The following MATN2 variants were observed in gnomAD, a reference collection of about 807,000 sequenced individuals.
MATN2 encodes the protein matrilin 2.
Under a neutral mutation model 103.2 loss-of-function variants are expected in MATN2, and 69 were observed. The ratio of observed to expected loss-of-function variants is 0.67; its 90% CI spans 0.55 to 0.82. The LOEUF (loss-of-function observed/expected upper bound fraction) is 0.82. Ranked by LOEUF, MATN2 falls within the 40% of genes least tolerant of loss-of-function variation. MATN2 has a pLI of 0.00. For missense variants in MATN2, 1,023 were observed against 1,211.5 expected (o/e 0.84, Z 2.31); for synonymous variants, 429 against 450.2 (o/e 0.95, Z 0.60).
chr8:98,009,817 T>C (rs1307038154), intron 10 of MATN2, among the ~76,000 whole-genome samples: 1 of 152,174 alleles, frequency 6.6e-6, no homozygotes, highest in African/African-American at 2.4e-5. Flanking sequence ...TTCCCTGAGA[T>C]TGACCTTGTG....
At chr8:98,016,024 A>C (rs1733166699) in intron 10 of MATN2, among the ~76,000 whole-genome samples, 1 of 152,206 alleles carries the variant, frequency 6.6e-6, no homozygotes, top group Non-Finnish European at 1.5e-5. Context: ...CAAGTAATTT[A>C]TCTCTCATTC....
At chr8:97,877,280 C>T (rs1054670877) in intron 1 of MATN2, among the ~76,000 whole-genome samples, 1 of 151,780 alleles carries the variant, frequency 6.6e-6, no homozygotes, top group African/African-American at 2.4e-5. Flanking sequence ...GAGTTTGAGA[C>T]CTGCCTGACC....
chr8:98,026,083 G>A (rs1055231252), intron 13 of MATN2, among the ~76,000 whole-genome samples: 13 of 149,876 alleles, frequency 8.7e-5, no homozygotes, highest in African/African-American at 3.2e-4. Flanking sequence ...GGAGGTTGAG[G>A]CAGGAGAATC....
intron 1 of MATN2, 79 bp from the exon 2 acceptor site, chr8:97,887,996 C>A: frequency 7.4e-7 from 1 of 1,354,058 alleles, no homozygotes. Context: ...AAAGGCGGGG[C>A]AGCGGGCCTG....
chr8:97,916,980 A>G (rs939874754), intron 2 of MATN2, among the ~76,000 whole-genome samples: 24 of 151,524 alleles, frequency 1.6e-4, no homozygotes, highest in Admixed American at 1.1e-3. Flanking sequence ...GTTGGTGCAC[A>G]CTTCCTGAGG....
At chr8:97,870,771 A>G (rs1415160100) in intron 1 of MATN2, among the ~76,000 whole-genome samples, 3 of 152,144 alleles carry the variant, frequency 2.0e-5, no homozygotes, top group Non-Finnish European at 4.4e-5. Context: ...GCTTGCTCCC[A>G]AAGGGCCAAC....
intron 17 of MATN2, 128 bp from the exon 18 acceptor site, chr8:98,033,433 G>C (rs1295788976): frequency 3.1e-6 from 2 of 652,828 alleles, no homozygotes; most frequent in East Asian, 5.6e-5. Flanking sequence ...TACTGGATCT[G>C]GCTGCATGGA....
At chr8:97,876,101 T>A (rs1339634687) in intron 1 of MATN2, among the ~76,000 whole-genome samples, 1 of 151,874 alleles carries the variant, frequency 6.6e-6, no homozygotes, top group Admixed American at 6.6e-5. Flanking sequence ...TCACTGCAAC[T>A]TCCTGGCTCT....
intron 6 of MATN2, among the ~76,000 whole-genome samples, chr8:97,980,558 C>CTT (rs71570278): frequency 0.056 from 5,221 of 94,024 alleles, 360 homozygotes; most frequent in African/African-American, 0.079. Context: ...TTATTCTTTC[C>CTT]TTTTTTTTTT....
intron 1 of MATN2, among the ~76,000 whole-genome samples, chr8:97,886,055 A>T (rs1818415822): frequency 6.6e-6 from 1 of 152,094 alleles, no homozygotes; most frequent in African/African-American, 2.4e-5. Context: ...TCTTTTTTTT[A>T]AATTGCTGCT....
At chr8:97,877,386 A>T (rs1449265800) in intron 1 of MATN2, among the ~76,000 whole-genome samples, 3 of 151,860 alleles carry the variant, frequency 2.0e-5, no homozygotes, top group Non-Finnish European at 4.4e-5. Flanking sequence ...CTGAGGCAGG[A>T]GAATTGCTTG....
intron 2 of MATN2, among the ~76,000 whole-genome samples, chr8:97,889,489 A>ATATATAT (rs1408329205): frequency 1.5e-4 from 22 of 143,704 alleles, no homozygotes; most frequent in African/African-American, 4.4e-4. Flanking sequence ...ATATATATAT[A>ATATATAT]AAACTGATGA....
At chr8:98,033,225 C>G in intron 17 of MATN2, 49 bp downstream of exon 17, 1 of 1,511,544 alleles carries the variant, frequency 6.6e-7, no homozygotes, top group Non-Finnish European at 8.9e-7. Context: ...CTCAGCCTTT[C>G]GGCTTGCCAA....
chr8:97,955,829 G>A (rs1238118480), intron 4 of MATN2, among the ~76,000 whole-genome samples: 3 of 152,218 alleles, frequency 2.0e-5, no homozygotes, highest in South Asian at 2.1e-4. Flanking sequence ...TGTTGAGCAA[G>A]GACAAAGTGC....
In MATN2 at chr8:98,036,038, G is replaced by A. The variant is rs1297069928; in HGVS notation, c.*326G>A. The A allele has an allele frequency of 9.5e-6, 2 of 210,464 alleles. No homozygotes were observed. Among genetic ancestry groups the A allele is most frequent in the Non-Finnish European group, 1.9e-5 (2 of 106,856 alleles). The allele number at this position is 210,464 out of a possible 1,614,324, so 13.0% of individuals were successfully genotyped here. ...AGTGTGCAATCTCATTTGACTATAC[G>A]ATAAAGTTTGCACAGTCTTACTTCT... On this transcript the variant is annotated 3_prime_UTR_variant, in exon 19 of 19. Coordinates refer to ENST00000254898, the MANE Select transcript of MATN2 (RefSeq NM_002380.5).
At chr8:98,013,310 TGA>T (rs1316911379) in intron 10 of MATN2, among the ~76,000 whole-genome samples, 1 of 152,192 alleles carries the variant, frequency 6.6e-6, no homozygotes, top group Non-Finnish European at 1.5e-5. Context: ...TGAACAAATG[TGA>T]GTCGTGCATT....
intron 4 of MATN2, among the ~76,000 whole-genome samples, chr8:97,960,746 G>C (rs548042827): frequency 3.3e-4 from 50 of 152,280 alleles, no homozygotes; most frequent in Middle Eastern, 6.8e-3. Context: ...AACAGAGTGA[G>C]ATTCTGTCTC....
Position 98,035,829 on chromosome 8 carries a change from A to C in MATN2, c.*117A>C. 1 of 533,566 alleles carries C rather than the reference A, an allele frequency of 1.9e-6. No individual in the cohort carries two copies. Among genetic ancestry groups the C allele is most frequent in the Non-Finnish European group, 3.2e-6 (1 of 311,700 alleles). The allele number at this position is 533,566 out of a possible 1,614,324, so 33.1% of individuals were successfully genotyped here. A position where few individuals can be genotyped will look rare whatever the true frequency, so the allele number is the denominator to read the frequency against. On this transcript the variant is annotated 3_prime_UTR_variant, in exon 19 of 19. Transcript: ENST00000254898. ...AATAATGTTGTGAAGTAAAACAATC[A>C]GTACTGAGAAACCTGGTTTGCCACA...
In MATN2 at chr8:98,021,275, C is replaced by T. The variant is rs1813581373; in HGVS notation, c.1890C>T (p.Ile630=). The change falls in exon 13 of 19, where the codon ATC becomes ATT. Residue 630 remains isoleucine, a synonymous_variant. Transcript: ENST00000254898. ...GTGTTAATAATGGGAATTCCTACAT[C>T]TGCAAATGCTCAGAGGGATTTGTTC... The part of the protein sequence containing the change: ...HICVNNGNSY[I]CKCSEGFVLA... 6.2e-7 allele frequency: 1 copy of T among 1,613,586 alleles called. No individual in the cohort carries two copies. Among genetic ancestry groups the T allele is most frequent in the Non-Finnish European group, 8.5e-7 (1 of 1,179,664 alleles).
Sources: allele counts gnomAD v4.1 joint callset (sites outside exome capture counted in the v4.1 genomes callset), GRCh38; gene constraint gnomAD v4.1.1; transcripts MANE v1.5; gene names NCBI Gene and HGNC (gene_info 2026-07-23, HGNC 2026-07-21).